APEX2: variants seen among roughly 807,000 people sequenced by gnomAD.
APEX2 encodes DNA-(apurinic or apyrimidinic site) endonuclease 2.
In APEX2, 4 loss-of-function variants were observed where a neutral mutation model predicts 16.7. That is an observed-to-expected ratio of 0.24 (90% CI 0.12 to 0.55). The LOEUF (loss-of-function observed/expected upper bound fraction) is 0.55, where lower values mean the gene tolerates loss of function less well. Among genes scored for constraint, APEX2 ranks in the 20% least tolerant of loss-of-function variants. APEX2 has a pLI of 0.94. For missense variants in APEX2, 357 were observed against 433.6 expected (o/e 0.82, Z 1.57); for synonymous variants, 181 against 166.9 (o/e 1.08, Z -0.65).
Position 55,007,208 on chromosome X carries a change from G to C in APEX2, c.1330G>C (p.Glu444Gln), listed in dbSNP as rs1439927085. The C allele has an allele frequency of 7.4e-6, 9 of 1,212,179 alleles. No homozygotes were observed. Among genetic ancestry groups the C allele is most frequent in the Non-Finnish European group, 1.0e-5 (9 of 895,629 alleles). Reference protein sequence around the residue: ...KVVKGQAKTSEAKDEKELRTS... With the variant: ...KVVKGQAKTSQAKDEKELRTS... ...GGTGAAGGGGCAGGCCAAGACTTCA[G>C]AAGCCAAAGATGAGAAGGAGTTACG... is the stretch of plus-strand genomic sequence containing the variant. The change falls in exon 6 of 6, where the codon GAA (glutamate) becomes CAA (glutamine). Residue 444 changes from glutamate to glutamine, a missense_variant. Coordinates refer to ENST00000374987, the MANE Select transcript of APEX2 (RefSeq NM_014481.4).
At chrX:55,002,128 G>T (rs1046596660) in intron 2 of APEX2, 123 bp from the exon 3 acceptor site, 7 of 680,520 alleles carry the variant, frequency 1.0e-5, no homozygotes, top group Non-Finnish European at 1.5e-5. Flanking sequence ...GAATAAGGTT[G>T]CCCAAGAACC....
At chrX:55,002,541 A>G in intron 3 of APEX2, 110 bp downstream of exon 3, 1 of 963,240 alleles carries the variant, frequency 1.0e-6, no homozygotes, top group Non-Finnish European at 1.4e-6. Context: ...AAGTTCCCAA[A>G]TTTGCCTTTC....
intron 1 of APEX2, 92 bp downstream of exon 1, chrX:55,000,671 CTATTCT>C: frequency 9.7e-7 from 1 of 1,030,197 alleles, no homozygotes; most frequent in Admixed American, 3.6e-5. Context: ...TCCCAGTTTC[CTATTCT>C]TAGAGTCCTG....
chrX:55,002,908 G>A, intron 3 of APEX2, 54 bp from the exon 4 acceptor site: 1 of 1,167,954 alleles, frequency 8.6e-7, no homozygotes, highest in South Asian at 1.9e-5. Flanking sequence ...ATGGGGAAGG[G>A]ACAGAAGGGG....
At chrX:55,002,933 C>T in intron 3 of APEX2, 29 bp from the exon 4 acceptor site, 1 of 1,198,153 alleles carries the variant, frequency 8.3e-7, no homozygotes, top group Non-Finnish European at 1.1e-6. Flanking sequence ...TTGAAACTGA[C>T]CCCTTTTGGG....
intron 2 of APEX2, among the ~76,000 whole-genome samples, 186 bp from the exon 3 acceptor site, chrX:55,002,065 A>G (rs1431466046): frequency 1.8e-5 from 2 of 112,790 alleles, no homozygotes; most frequent in Non-Finnish European, 3.7e-5. Flanking sequence ...AATGTAAAAC[A>G]CTTAGAACAT....
At chrX:55,004,712 C>T in intron 5 of APEX2, among the ~76,000 whole-genome samples, 1 of 111,287 alleles carries the variant, frequency 9.0e-6, no homozygotes, top group Middle Eastern at 4.7e-3. Flanking sequence ...CTCACTGTGC[C>T]CTGAATTGGT....
chrX:55,000,474 G>A lies in APEX2; in HGVS notation c.52G>A (p.Gly18Arg). The change falls in exon 1 of 6, where the codon GGG becomes AGG. Residue 18 changes from glycine to arginine, a missense_variant. Physicochemically the swap from Gly to Arg is moderately radical, Grantham distance 125. Transcript: ENST00000374987. Reference protein sequence around the residue: ...NINGIRRPLQGVANQEPSNCA... With the variant: ...NINGIRRPLQRVANQEPSNCA... ...CAATGGGATTCGGAGACCCCTGCAAGGGGTGGCAAATCAGGAACCCAGCAA... is the reference window on the plus strand; with the variant it reads ...CAATGGGATTCGGAGACCCCTGCAAAGGGTGGCAAATCAGGAACCCAGCAA... The A allele has an allele frequency of 1.7e-6, 2 of 1,205,735 alleles. No individual in the cohort carries two copies. Among genetic ancestry groups the A allele is most frequent in the Non-Finnish European group, 2.2e-6 (2 of 892,263 alleles).
chrX:55,001,985 C>T (rs1209170723), intron 2 of APEX2, among the ~76,000 whole-genome samples: 2 of 111,756 alleles, frequency 1.8e-5, no homozygotes, highest in Admixed American at 9.5e-5. Flanking sequence ...GGGGCTGTTA[C>T]AAGGATTAAA....
In APEX2 at chrX:55,006,942, C is replaced by T. The variant is rs770699384; in HGVS notation, c.1064C>T (p.Ser355Leu). 2.4e-5 allele frequency: 29 copies of T among 1,210,076 alleles called. No homozygotes were observed. The highest frequency in any genetic ancestry group is 1.1e-4 in the South Asian group (6 of 56,810). ...PLEQSPVLEQSTLQHNNQTRV... is the reference protein window; with the variant it reads ...PLEQSPVLEQLTLQHNNQTRV... ...GAACAAAGTCCTGTGTTGGAGCAGT[C>T]GACGCTGCAGCACAACAATCAAACC... Residue 355 changes from serine (S) to leucine (L), a missense_variant, in exon 6 of 6, where the codon TCG becomes TTG. Ser to Leu is a moderately radical substitution (Grantham distance 145, BLOSUM62 -2). Transcript: ENST00000374987.
intron 5 of APEX2, among the ~76,000 whole-genome samples, chrX:55,005,633 AC>A (rs1385947639): frequency 9.0e-6 from 1 of 111,343 alleles, no homozygotes; most frequent in Middle Eastern, 4.3e-3. Flanking sequence ...CTCCTCTGGC[AC>A]CCACCCTAGT....
rs1251934286 is a variant in APEX2, at chrX:55,000,708, C to G, written c.157+129C>G. On this transcript the variant is annotated intron_variant, in intron 1 of 5. Transcript: ENST00000374987. Reference sequence around the variant, plus strand: ...TCCTGTCCTTAGACCCAGGTCCCTTCCCTCTTAAACTTCCATTTCCCACCC... The same window carrying G: ...TCCTGTCCTTAGACCCAGGTCCCTTGCCTCTTAAACTTCCATTTCCCACCC... The G allele has an allele frequency of 3.5e-5, 27 of 764,430 alleles. No individual in the cohort carries two copies. The East Asian group carries it at 9.5e-4, about 27-fold the overall frequency. The allele number at this position is 764,430 out of a possible 1,213,427, so 63.0% of individuals were successfully genotyped here.
At chrX:55,000,709 C>T in intron 1 of APEX2, 130 bp downstream of exon 1, 1 of 775,110 alleles carries the variant, frequency 1.3e-6, no homozygotes, top group Non-Finnish European at 1.8e-6. Context: ...AGGTCCCTTC[C>T]CTCTTAAACT....
rs367957732 is a variant in APEX2 at position 55,001,618 on chromosome X, G to A, written c.230G>A (p.Ser77Asn). 1 of 1,203,357 alleles carries A rather than the reference G, an allele frequency of 8.3e-7. No individual in the cohort carries two copies. The highest frequency in any genetic ancestry group is 1.1e-6 in the Non-Finnish European group (1 of 891,180). The change falls in exon 2 of 6, where the codon AGC becomes AAC. Residue 77 changes from serine (S) to asparagine (N), a missense_variant. Transcript: ENST00000374987. ...TATTTCAGCTTCAGCCGCAACCGTAGCGGCTATTCTGGTAAATGGGGCTTT... is the reference window on the plus strand; with the variant it reads ...TATTTCAGCTTCAGCCGCAACCGTAACGGCTATTCTGGTAAATGGGGCTTT... ...NSYFSFSRNR[S>N]GYSGVATFCK...
At chrX:55,000,778 CTT>C (rs1935429534) in intron 1 of APEX2, among the ~76,000 whole-genome samples, 199 bp downstream of exon 1, 2 of 110,446 alleles carry the variant, frequency 1.8e-5, no homozygotes, top group East Asian at 5.7e-4. Context: ...CTTCAGCAAA[CTT>C]TAGCTCCTTC....
chrX:55,001,513 C>A, intron 1 of APEX2, 33 bp from the exon 2 acceptor site: 1 of 1,122,014 alleles, frequency 8.9e-7, no homozygotes, highest in Non-Finnish European at 1.2e-6. Flanking sequence ...GCTAGTTTTA[C>A]CTCTGACTTA....
rs139010687 is a variant in APEX2, at chrX:55,005,963, G to T, written c.640-555G>T. On this transcript the variant is annotated intron_variant, in intron 5 of 5. Transcript: ENST00000374987. ...GAACATTTCTTGCATTGAATGAGTG[G>T]GTGGGTAGGTGGATTGAATGGATGG... Among the ~76,000 whole-genome samples, 138 of 109,362 alleles carry T rather than the reference G, an allele frequency of 1.3e-3. 1 individual carries two copies. The highest frequency in any genetic ancestry group is 2.1e-3 in the Non-Finnish European group (108 of 52,598). 95.0% of individuals were successfully genotyped at this position (109,362 alleles called of 115,157 possible).
Position 55,000,385 on chromosome X carries a change from A to G in APEX2, c.-38A>G. ...AACAGGAAGCAGTTCGCTCGCGCCT[A>G]GGTTGGCGCGGGCTGGGAGGTGTTC... On this transcript the variant is annotated 5_prime_UTR_variant, in exon 1 of 6. Coordinates refer to ENST00000374987, the MANE Select transcript of APEX2 (RefSeq NM_014481.4). 1 of 1,119,818 alleles carries G rather than the reference A, an allele frequency of 8.9e-7. No individual in the cohort carries two copies. Among genetic ancestry groups the G allele is most frequent in the Middle Eastern group, 2.7e-4 (1 of 3,728 alleles). 92.3% of individuals were successfully genotyped at this position (1,119,818 alleles called of 1,213,427 possible). A position where few individuals can be genotyped will look rare whatever the true frequency, so the allele number is the denominator to read the frequency against.
rs746256403 is a variant in APEX2 at position 55,006,729 on chromosome X, C to A, written c.851C>A (p.Thr284Asn). 1.7e-6 allele frequency: 2 copies of A among 1,192,749 alleles called. No individual in the cohort carries two copies. The highest frequency in any genetic ancestry group is 2.2e-5 in the Admixed American group (1 of 44,592). ...SRLDYVLGDR[T>N]LVIDTFQASF... is the part of the protein sequence containing the mutation. ...CTTGACTATGTGCTGGGGGACAGGA[C>A]CCTGGTCATAGACACCTTTCAGGCC... The change falls in exon 6 of 6, where the codon ACC becomes AAC. Residue 284 changes from threonine (T) to asparagine (N), a missense_variant. Coordinates refer to ENST00000374987, the MANE Select transcript of APEX2 (RefSeq NM_014481.4).
Sources: allele counts gnomAD v4.1 joint callset (sites outside exome capture counted in the v4.1 genomes callset), GRCh38; gene constraint gnomAD v4.1.1; transcripts MANE v1.5; gene names NCBI Gene and HGNC (gene_info 2026-07-23, HGNC 2026-07-21).